The following TMEM151B variants were observed in gnomAD, a reference collection of about 807,000 sequenced individuals.
TMEM151B encodes transmembrane protein 151B, also known as transmembrane protein 193.
TMEM151B carries 18 observed loss-of-function variants against 33.0 expected under a neutral mutation model. The observed-to-expected ratio is 0.55, with a 90% CI of 0.38 to 0.81. The LOEUF is 0.81. Among genes scored for constraint, TMEM151B ranks in the 30% least tolerant of loss-of-function variants. The pLI, the probability that TMEM151B is intolerant of heterozygous loss-of-function variation, is 0.00. For missense variants in TMEM151B, 672 were observed against 843.4 expected, an observed-to-expected ratio of 0.80 and a Z score of 2.52; for synonymous variants, 354 against 373.6, an observed-to-expected ratio of 0.95 and a Z score of 0.61.
Position 44,275,774 on chromosome 6 carries a change from G to T in TMEM151B, c.948G>T (p.Val316=), listed in dbSNP as rs1326044966. The part of the protein sequence containing the change: ...ALLTLSWPLR[V]LAEYRTAYAH... ...TCACGCTGTCGTGGCCGCTGCGAGTGCTGGCCGAGTACCGCACGGCCTACG... is the reference window on the plus strand; with the variant it reads ...TCACGCTGTCGTGGCCGCTGCGAGTTCTGGCCGAGTACCGCACGGCCTACG... Residue 316 remains valine (V), a synonymous_variant, in exon 3 of 3, where the codon GTG becomes GTT. Transcript: ENST00000451188. 1.2e-5 allele frequency: 18 copies of T among 1,543,416 alleles called. No homozygotes were observed. Among genetic ancestry groups the T allele is most frequent in the African/African-American group, 4.1e-5 (3 of 72,928 alleles).
At chr6:44,271,597 G>GA (rs1467571711) in intron 1 of TMEM151B, among the ~76,000 whole-genome samples, 1 of 152,034 alleles carries the variant, frequency 6.6e-6, no homozygotes, top group Non-Finnish European at 1.5e-5. Flanking sequence ...CCTTTCAGAG[G>GA]TACCCACATG....
chr6:44,274,720 TG>T (rs941475466), intron 2 of TMEM151B, among the ~76,000 whole-genome samples: 1 of 152,090 alleles, frequency 6.6e-6, no homozygotes, highest in African/African-American at 2.4e-5. Flanking sequence ...TGTGGTGATG[TG>T]GGGGCACTTT....
rs995407732 is a variant in TMEM151B at position 44,276,070 on chromosome 6, A to C, written c.1244A>C (p.Tyr415Ser). Reference sequence around the variant, plus strand: ...GGCGGCTACGCGCCCTCGTGCCGCTACGGTGGGGTAGGCGGCCCGGGCGCG... The same window carrying C: ...GGCGGCTACGCGCCCTCGTGCCGCTCCGGTGGGGTAGGCGGCCCGGGCGCG... ...AGGGYAPSCRYGGVGGPGAAG... is the reference protein window; with the variant it reads ...AGGGYAPSCRSGGVGGPGAAG... The change falls in exon 3 of 3, where the codon TAC (tyrosine) becomes TCC (serine). Residue 415 changes from tyrosine to serine, a missense_variant. Transcript: ENST00000451188. 1.4e-5 allele frequency: 19 copies of C among 1,332,128 alleles called. No individual in the cohort carries two copies. The highest frequency in any genetic ancestry group is 1.6e-5 in the Non-Finnish European group (17 of 1,049,074). The allele number at this position is 1,332,128 out of a possible 1,614,324, so 82.5% of individuals were successfully genotyped here.
At position 44,278,893 on chromosome 6, in the gene TMEM151B, A is replaced by ACACACC. The variant is rs1260162116; in HGVS notation, c.*2367_*2368insACACCC. The ACACACC allele has an allele frequency of 8.7e-5, 13 of 149,458 alleles. No homozygotes were observed. The highest frequency in any genetic ancestry group is 2.2e-4 in the African/African-American group (9 of 40,396). 9.3% of individuals were successfully genotyped at this position (149,458 alleles called of 1,614,324 possible). On this transcript the variant is annotated 3_prime_UTR_variant, in exon 3 of 3. Coordinates refer to ENST00000451188, the MANE Select transcript of TMEM151B (RefSeq NM_001137560.2). ...TATACACACACACACACACACACAC[A>ACACACC]CCCTCACACCTACACGTTTGCACTC...
At position 44,276,759 on chromosome 6, in the gene TMEM151B, G is replaced by C. The variant is rs1782607748; in HGVS notation, c.*232G>C. 8.0e-6 allele frequency: 7 copies of C among 878,160 alleles called. No individual in the cohort carries two copies. Among genetic ancestry groups the C allele is most frequent in the Non-Finnish European group, 1.0e-5 (7 of 667,980 alleles). The allele number at this position is 878,160 out of a possible 1,614,324, so 54.4% of individuals were successfully genotyped here. On this transcript the variant is annotated 3_prime_UTR_variant, in exon 3 of 3. Coordinates refer to ENST00000451188, the MANE Select transcript of TMEM151B (RefSeq NM_001137560.2). ...GCTGCTCCCCGAGATCCCCCTGGCA[G>C]AGTCATTCTTCCAGCCCCAACCCTG...
chr6:44,271,440 A>G (rs1782352743), intron 1 of TMEM151B, among the ~76,000 whole-genome samples: 1 of 147,314 alleles, frequency 6.8e-6, no homozygotes, highest in Non-Finnish European at 1.5e-5. Context: ...GGTCCCTAGT[A>G]CTCAGTCCTC....
chr6:44,270,617 C>CG lies in TMEM151B; in HGVS notation c.-124dup, dbSNP rs1246191947. 1 of 218,000 alleles carries CG rather than the reference C, an allele frequency of 4.6e-6. No homozygotes were observed. The highest frequency in any genetic ancestry group is 2.4e-5 in the African/African-American group (1 of 42,242). 13.5% of individuals were successfully genotyped at this position (218,000 alleles called of 1,614,324 possible). ...GGTGCCCTTTCCGGGCCCCCTCCCC[C>CG]GGCGGGGGGTGGGGAGCAGCGAGGG... On this transcript the variant is annotated 5_prime_UTR_variant, in exon 1 of 3. Transcript: ENST00000451188.
chr6:44,273,067 A>G lies in TMEM151B; in HGVS notation c.137A>G (p.Gln46Arg). Residue 46 changes from glutamine (Q) to arginine (R), a missense_variant and splice_region_variant, in exon 2 of 3, where the codon CAG becomes CGG. Physicochemically the swap from Gln to Arg is conservative, Grantham distance 43. Coordinates refer to ENST00000451188, the MANE Select transcript of TMEM151B (RefSeq NM_001137560.2). ...CCCTCTCCCTGCCCACCTGAGCAGC[A>G]GCGTCCCATCCAGCCCTCTTTCACC... The part of the protein sequence containing the change: ...AADEGPAREE[Q>R]RPIQPSFTKS... The G allele has an allele frequency of 6.7e-7, 1 of 1,488,462 alleles. No individual in the cohort carries two copies. The highest frequency in any genetic ancestry group is 9.0e-7 in the Non-Finnish European group (1 of 1,112,768). 92.2% of individuals were successfully genotyped at this position (1,488,462 alleles called of 1,614,324 possible).
At position 44,270,833 on chromosome 6, in the gene TMEM151B, G is replaced by C; in HGVS notation, c.91G>C (p.Ala31Pro). 1 of 1,127,324 alleles carries C rather than the reference G, an allele frequency of 8.9e-7. No individual in the cohort carries two copies. The highest frequency in any genetic ancestry group is 1.1e-6 in the Non-Finnish European group (1 of 923,350). The allele number at this position is 1,127,324 out of a possible 1,614,324, so 69.8% of individuals were successfully genotyped here. A position where few individuals can be genotyped will look rare whatever the true frequency, so the allele number is the denominator to read the frequency against. ...CGGGGTCTCGGAGGAGCTCACGGCG[G>C]CGGCGGCAGCGGCGGCGGCGGACGA... ...GPGVSEELTA[A>P]AAAAAADEGP... Residue 31 changes from alanine to proline, a missense_variant, in exon 1 of 3, where the codon GCG becomes CCG. Ala to Pro is a conservative substitution (Grantham distance 27). Around this residue, in one of 3 missense-constraint regions of TMEM151B, gnomAD observed 63 missense variants for 57.2 expected, o/e 1.10. Transcript: ENST00000451188.
intron 2 of TMEM151B, 51 bp from the exon 3 acceptor site, chr6:44,275,352 G>A (rs893816046): frequency 6.1e-5 from 89 of 1,453,954 alleles, no homozygotes; most frequent in Non-Finnish European, 8.1e-5. Context: ...GCAGAAGCGG[G>A]CACCAATGAC....
At position 44,275,127 on chromosome 6, in the gene TMEM151B, AAAAAAAAAAG is replaced by A. The variant is rs1299719446; in HGVS notation, c.577-270_577-261del. Among the ~76,000 whole-genome samples, 15 of 151,752 alleles carry A rather than the reference AAAAAAAAAAG, an allele frequency of 9.9e-5. No homozygotes were observed. In the East Asian group the frequency reaches 1.6e-3, roughly 16 times the overall value. Reference sequence around the variant, plus strand: ...AGCCAGACTCCATCTCAAAAAAAAAAAAAAAAAAAGAAAAAGAAAAAGAAAAAAAATTTAA... The same window carrying A: ...AGCCAGACTCCATCTCAAAAAAAAAAAAAAAGAAAAAGAAAAAAAATTTAA... On this transcript the variant is annotated intron_variant, in intron 2 of 2. Transcript: ENST00000451188.
Position 44,276,234 on chromosome 6 carries a change from G to C in TMEM151B, c.1408G>C (p.Gly470Arg). 1 of 1,294,748 alleles carries C rather than the reference G, an allele frequency of 7.7e-7. No individual in the cohort carries two copies. Among genetic ancestry groups the C allele is most frequent in the Non-Finnish European group, 9.8e-7 (1 of 1,024,798 alleles). The allele number at this position is 1,294,748 out of a possible 1,614,324, so 80.2% of individuals were successfully genotyped here. A position where few individuals can be genotyped will look rare whatever the true frequency, so the allele number is the denominator to read the frequency against. Residue 470 changes from glycine (G) to arginine (R), a missense_variant, in exon 3 of 3, where the codon GGG becomes CGG. Gly to Arg is a moderately radical substitution (Grantham distance 125). Around this residue, in one of 3 missense-constraint regions of TMEM151B, gnomAD observed 324 missense variants for 363.1 expected, o/e 0.89. Coordinates refer to ENST00000451188, the MANE Select transcript of TMEM151B (RefSeq NM_001137560.2). ...GGGGCCCGGTGGGGGCGCGGGCTGC[G>C]GGGGCAGCCGCTTCTCGCTGGGCCG... ...GPGPGGGAGC[G>R]GSRFSLGRLY... is the part of the protein sequence containing the mutation.
rs1224552787 is a variant in TMEM151B, at chr6:44,276,550, C to A, written c.*23C>A. The A allele has an allele frequency of 7.5e-7, 1 of 1,333,354 alleles. No individual in the cohort carries two copies. Among genetic ancestry groups the A allele is most frequent in the Non-Finnish European group, 9.6e-7 (1 of 1,038,478 alleles). The allele number at this position is 1,333,354 out of a possible 1,614,324, so 82.6% of individuals were successfully genotyped here. A position where few individuals can be genotyped will look rare whatever the true frequency, so the allele number is the denominator to read the frequency against. ...TGACCTCCGGCCCCGGAGTGGCCCG[C>A]GCCGTCCTCCCGCCTGCCCCTCGCC... is the stretch of plus-strand genomic sequence containing the variant. On this transcript the variant is annotated 3_prime_UTR_variant, in exon 3 of 3. Transcript: ENST00000451188.
chr6:44,271,026 C>T (rs1378072845), intron 1 of TMEM151B, 149 bp downstream of exon 1: 1 of 481,094 alleles, frequency 2.1e-6, no homozygotes, highest in African/African-American at 2.1e-5. Flanking sequence ...CGCCGCCGCC[C>T]CCACCCGGCG....
rs2153338496 is a variant in TMEM151B, at chr6:44,276,441, C to T, written c.1615C>T (p.Leu539Phe). 6.7e-7 allele frequency: 1 copy of T among 1,499,882 alleles called. No individual in the cohort carries two copies. Among genetic ancestry groups the T allele is most frequent in the Non-Finnish European group, 8.9e-7 (1 of 1,127,840 alleles). 92.9% of individuals were successfully genotyped at this position (1,499,882 alleles called of 1,614,324 possible). A position where few individuals can be genotyped will look rare whatever the true frequency, so the allele number is the denominator to read the frequency against. The change falls in exon 3 of 3, where the codon CTC (leucine) becomes TTC (phenylalanine). Residue 539 changes from leucine to phenylalanine, a missense_variant. Leu to Phe is a conservative substitution (Grantham distance 22). Coordinates refer to ENST00000451188, the MANE Select transcript of TMEM151B (RefSeq NM_001137560.2). ...CCACGACGCCCTCTACTTTCCGGTC[C>T]TCATCGTCCACCGGCAGGAGGGGTG... ...PYHDALYFPV[L>F]IVHRQEGCLG... is the part of the protein sequence containing the mutation.
At position 44,270,759 on chromosome 6, in the gene TMEM151B, C is replaced by G; in HGVS notation, c.17C>G (p.Ser6Trp). Reference protein sequence around the residue: MSPPGSAAGESAAGGG... With the variant: MSPPGWAAGESAAGGG... Reference sequence around the variant, plus strand: ...CTCTACGCCATGTCCCCCCCTGGCTCGGCCGCGGGAGAGAGCGCCGCCGGC... The same window carrying G: ...CTCTACGCCATGTCCCCCCCTGGCTGGGCCGCGGGAGAGAGCGCCGCCGGC... Residue 6 changes from serine to tryptophan, a missense_variant, in exon 1 of 3, where the codon TCG becomes TGG. Transcript: ENST00000451188. 9.1e-7 allele frequency: 1 copy of G among 1,096,362 alleles called. No individual in the cohort carries two copies. The highest frequency in any genetic ancestry group is 4.9e-5 in the East Asian group (1 of 20,418). 67.9% of individuals were successfully genotyped at this position (1,096,362 alleles called of 1,614,324 possible). A position where few individuals can be genotyped will look rare whatever the true frequency, so the allele number is the denominator to read the frequency against.
At position 44,275,574 on chromosome 6, in the gene TMEM151B, C is replaced by A; in HGVS notation, c.748C>A (p.Leu250Met). Reference protein sequence around the residue: ...FASVEAENAYLCQRARFFAEN... With the variant: ...FASVEAENAYMCQRARFFAEN... Reference sequence around the variant, plus strand: ...CAGCGTGGAGGCCGAGAACGCGTACCTGTGCCAGCGCGCGCGCTTCTTCGC... The same window carrying A: ...CAGCGTGGAGGCCGAGAACGCGTACATGTGCCAGCGCGCGCGCTTCTTCGC... Residue 250 changes from leucine (L) to methionine (M), a missense_variant, in exon 3 of 3, where the codon CTG becomes ATG. By Grantham distance (15) the Leu-to-Met change is conservative. Around this residue, in one of 3 missense-constraint regions of TMEM151B, gnomAD observed 285 missense variants for 423.1 expected, o/e 0.67. Transcript: ENST00000451188. The A allele has an allele frequency of 6.4e-7, 1 of 1,550,962 alleles. No individual in the cohort carries two copies. The highest frequency in any genetic ancestry group is 1.2e-5 in the South Asian group (1 of 84,062).
chr6:44,272,025 T>C (rs1470714154), intron 1 of TMEM151B, among the ~76,000 whole-genome samples: 2 of 152,020 alleles, frequency 1.3e-5, no homozygotes, highest in Non-Finnish European at 2.9e-5. Context: ...GCCAGCACCA[T>C]GGTAGGCACC....
rs1481628291 is a variant in TMEM151B, at chr6:44,273,307, T to C, written c.377T>C (p.Val126Ala). The change falls in exon 2 of 3, where the codon GTC becomes GCC. Residue 126 changes from valine (V) to alanine (A), a missense_variant. Around this residue, in one of 3 missense-constraint regions of TMEM151B, gnomAD observed 285 missense variants for 423.1 expected, o/e 0.67. Transcript: ENST00000451188. Reference sequence around the variant, plus strand: ...GCCTTCCTGCTCATGTTGTACGCCGTCTACCTGGTGGAGTGTTGGCACTGC... The same window carrying C: ...GCCTTCCTGCTCATGTTGTACGCCGCCTACCTGGTGGAGTGTTGGCACTGC... Reference protein sequence around the residue: ...PLAFLLMLYAVYLVECWHCQA... With the variant: ...PLAFLLMLYAAYLVECWHCQA... The C allele has an allele frequency of 6.4e-7, 1 of 1,551,686 alleles. No homozygotes were observed. The highest frequency in any genetic ancestry group is 2.0e-5 in the Admixed American group (1 of 51,012).
Sources: allele counts gnomAD v4.1 joint callset (sites outside exome capture counted in the v4.1 genomes callset), GRCh38; gene constraint gnomAD v4.1.1; regional missense constraint gnomAD v4.1.1; transcripts MANE v1.5; gene names NCBI Gene and HGNC (gene_info 2026-07-23, HGNC 2026-07-21).